Variants in ADGRG4 observed in about 807,000 individuals in gnomAD.
The protein encoded by ADGRG4 is G protein-coupled receptor 112.
Under a neutral mutation model 126.2 loss-of-function variants are expected in ADGRG4, and 122 were observed. That is an observed-to-expected ratio of 0.97 (90% CI 0.83 to 1.12). ADGRG4 has a LOEUF of 1.12. ADGRG4 is among the 50% of genes most tolerant of loss of function. The probability of loss-of-function intolerance (pLI) is 0.00; values close to 1 mark genes in which losing one functional copy is unlikely to be tolerated. For synonymous variants in ADGRG4, 943 were observed against 838.7 expected (o/e 1.12, Z -2.15); for missense variants, 2,481 against 2,251.8 (o/e 1.10, Z -2.06).
chrX:136,385,650 T>C (rs2075289129), intron 15 of ADGRG4, among the ~76,000 whole-genome samples: 1 of 111,972 alleles, frequency 8.9e-6, no homozygotes, highest in Non-Finnish European at 1.9e-5. Flanking sequence ...TTTCTTCACG[T>C]ATTGAGTAAT....
intron 16 of ADGRG4, among the ~76,000 whole-genome samples, chrX:136,389,418 A>C (rs1242384646): frequency 8.9e-6 from 1 of 112,098 alleles, no homozygotes; most frequent in East Asian, 2.8e-4. Flanking sequence ...CTTGTTTTGC[A>C]TAGATTTCAC....
At chrX:136,387,012 A>G (rs1483268801) in intron 15 of ADGRG4, among the ~76,000 whole-genome samples, 1 of 111,938 alleles carries the variant, frequency 8.9e-6, no homozygotes, top group African/African-American at 3.3e-5. Flanking sequence ...GTGTCATCCA[A>G]TGGCAGATGT....
intron 5 of ADGRG4, among the ~76,000 whole-genome samples, chrX:136,339,661 G>C (rs2074968226): frequency 8.9e-6 from 1 of 112,499 alleles, no homozygotes; most frequent in East Asian, 2.8e-4. Flanking sequence ...CTGCCACTAT[G>C]TTGTTCCTTT....
chrX:136,340,050 AG>A (rs201964024), intron 5 of ADGRG4, among the ~76,000 whole-genome samples: 2,868 of 111,850 alleles, frequency 0.026, 48 homozygotes, highest in Non-Finnish European at 0.039. Flanking sequence ...GAAAAGAGAA[AG>A]ATTGATGAAG....
intron 5 of ADGRG4, among the ~76,000 whole-genome samples, chrX:136,327,945 A>C (rs1236964550): frequency 9.0e-6 from 1 of 111,396 alleles, no homozygotes; most frequent in Non-Finnish European, 1.9e-5. Flanking sequence ...GTCTCCTTTC[A>C]CTTCAATCTT....
intron 23 of ADGRG4, among the ~76,000 whole-genome samples, chrX:136,407,488 G>A (rs188301664): frequency 1.2e-3 from 138 of 111,655 alleles, no homozygotes; most frequent in African/African-American, 4.1e-3. Flanking sequence ...AAAGTGCTGC[G>A]GAGTTGAGGG....
At chrX:136,407,487 C>T (rs978211652) in intron 23 of ADGRG4, among the ~76,000 whole-genome samples, 5 of 111,259 alleles carry the variant, frequency 4.5e-5, no homozygotes, top group Admixed American at 1.9e-4. Context: ...CAAAGTGCTG[C>T]GGAGTTGAGG....
intron 15 of ADGRG4, among the ~76,000 whole-genome samples, chrX:136,374,725 C>T (rs765827204): frequency 6.1e-4 from 68 of 111,846 alleles, no homozygotes; most frequent in African/African-American, 2.1e-3. Flanking sequence ...CTACCTCACC[C>T]GGCCTGTAGG....
intron 5 of ADGRG4, among the ~76,000 whole-genome samples, chrX:136,339,598 C>CAT (rs773543361): frequency 5.8e-4 from 65 of 112,440 alleles, no homozygotes; most frequent in Admixed American, 1.4e-3. Flanking sequence ...GATTAGGAAG[C>CAT]ATAGGGCCTG....
intron 23 of ADGRG4, among the ~76,000 whole-genome samples, chrX:136,411,895 A>G (rs1008336697): frequency 8.9e-6 from 1 of 112,565 alleles, no homozygotes; most frequent in Non-Finnish European, 1.9e-5. Flanking sequence ...CTCTTTTATA[A>G]CCTAACCTTG....
At position 136,414,291 on chromosome X, in the gene ADGRG4, G is replaced by C. The variant is rs1184954893; in HGVS notation, c.9169G>C (p.Ala3057Pro). ...CTCCACTTTCAAATCTTTAGGCTCT[G>C]CACAAGGCACACCTTCAGAAATAAG... is the stretch of plus-strand genomic sequence containing the variant. Reference protein sequence around the residue: ...TSSTFKSLGSAQGTPSEISFP... With the variant: ...TSSTFKSLGSPQGTPSEISFP... The change falls in exon 25 of 26, where the codon GCA becomes CCA. Residue 3057 changes from alanine (A) to proline (P), a missense_variant. By Grantham distance (27) the Ala-to-Pro change is conservative. Transcript: ENST00000394143. The C allele has an allele frequency of 1.7e-6, 2 of 1,205,280 alleles. No individual in the cohort carries two copies. Among genetic ancestry groups the C allele is most frequent in the Admixed American group, 4.4e-5 (2 of 45,285 alleles).
chrX:136,386,497 C>T (rs189258536), intron 15 of ADGRG4, among the ~76,000 whole-genome samples: 1 of 111,835 alleles, frequency 8.9e-6, no homozygotes, highest in Non-Finnish European at 1.9e-5. Context: ...ACTTTTAACC[C>T]CCACTATACA....
Position 136,349,458 on chromosome X carries a change from C to T in ADGRG4, c.5752C>T (p.Pro1918Ser), listed in dbSNP as rs1188161812. The T allele has an allele frequency of 1.7e-6, 2 of 1,206,448 alleles. No homozygotes were observed. Among genetic ancestry groups the T allele is most frequent in the South Asian group, 3.5e-5 (2 of 56,834 alleles). Residue 1918 changes from proline (P) to serine (S), a missense_variant, in exon 6 of 26, where the codon CCT becomes TCT. Transcript: ENST00000394143. ...ETETLHLVPG[P>S]LSTFTASQTG... Reference sequence around the variant, plus strand: ...AGAGACTCTACACCTTGTTCCTGGGCCTTTGTCAACATTCACAGCCTCTCA... The same window carrying T: ...AGAGACTCTACACCTTGTTCCTGGGTCTTTGTCAACATTCACAGCCTCTCA...
At chrX:136,367,194 C>T (rs2075164055) in intron 13 of ADGRG4, among the ~76,000 whole-genome samples, 1 of 112,214 alleles carries the variant, frequency 8.9e-6, no homozygotes, top group African/African-American at 3.2e-5. Context: ...ATTCCAGTGC[C>T]TCGCAGAAGG....
At position 136,387,725 on chromosome X, in the gene ADGRG4, G is replaced by T. The variant is rs1339133839; in HGVS notation, c.7777-15G>T. The T allele has an allele frequency of 8.3e-7, 1 of 1,197,651 alleles. No homozygotes were observed. Among genetic ancestry groups the T allele is most frequent in the Middle Eastern group, 2.3e-4 (1 of 4,272 alleles). On this transcript the variant is annotated splice_polypyrimidine_tract_variant and intron_variant, in intron 15 of 25. Transcript: ENST00000394143. ...ATGAAGACTCCAATTTTCATTTTTT[G>T]GCTTTTCTTGGCAGATTTTCCTAGG...
intron 4 of ADGRG4, among the ~76,000 whole-genome samples, chrX:136,319,207 C>T (rs2074823374): frequency 8.9e-6 from 1 of 112,506 alleles, no homozygotes; most frequent in African/African-American, 3.2e-5. Flanking sequence ...CTCCTCAGAG[C>T]CCTGCTGGAG....
chrX:136,351,928 A>G (rs1412659267), intron 7 of ADGRG4, among the ~76,000 whole-genome samples: 1 of 111,075 alleles, frequency 9.0e-6, no homozygotes, highest in Non-Finnish European at 1.9e-5. Flanking sequence ...TGTTTTCTGC[A>G]TTTTATTTCT....
Position 136,346,161 on chromosome X carries a change from T to G in ADGRG4, c.2455T>G (p.Phe819Val). ...TQTEINGAIV[F>V]GGTTTPVPKS... ...AACAGAAATAAATGGTGCAATTGTA[T>G]TTGGAGGTACAACGACCCCTGTACC... is the stretch of plus-strand genomic sequence containing the variant. Residue 819 changes from phenylalanine (F) to valine (V), a missense_variant, in exon 6 of 26, where the codon TTT becomes GTT. Phe to Val is a conservative substitution (Grantham distance 50). Coordinates refer to ENST00000394143, the MANE Select transcript of ADGRG4 (RefSeq NM_153834.4). 1 of 1,208,365 alleles carries G rather than the reference T, an allele frequency of 8.3e-7. No homozygotes were observed. Among genetic ancestry groups the G allele is most frequent in the Non-Finnish European group, 1.1e-6 (1 of 893,682 alleles).
intron 13 of ADGRG4, among the ~76,000 whole-genome samples, chrX:136,366,924 A>T (rs2075162326): frequency 9.0e-6 from 1 of 111,014 alleles, no homozygotes; most frequent in Admixed American, 9.6e-5. Context: ...GTATTTGGAG[A>T]TGAGGCCTTT....
Sources: allele counts gnomAD v4.1 joint callset (sites outside exome capture counted in the v4.1 genomes callset), GRCh38; gene constraint gnomAD v4.1.1; transcripts MANE v1.5; gene names NCBI Gene and HGNC (gene_info 2026-07-23, HGNC 2026-07-21).